FAM13C: variants seen among roughly 807,000 people sequenced by gnomAD.
FAM13C encodes the protein family with sequence similarity 13 member C, also known as protein FAM13C.
Under a neutral mutation model 73.2 loss-of-function variants are expected in FAM13C, and 37 were observed. The ratio of observed to expected loss-of-function variants is 0.51; its 90% CI spans 0.39 to 0.67. The LOEUF (loss-of-function observed/expected upper bound fraction) is 0.67, where lower values mean the gene tolerates loss of function less well. Ranked by LOEUF, FAM13C falls within the 30% of genes least tolerant of loss-of-function variation. The pLI is 0.00. For missense variants in FAM13C, 589 were observed against 715.6 expected (o/e 0.82, Z 2.02); for synonymous variants, 246 against 260.9 (o/e 0.94, Z 0.55).
At chr10:59,286,516 AATAT>A (rs1159774665) in intron 5 of FAM13C, among the ~76,000 whole-genome samples, 3,840 of 110,930 alleles carry the variant, frequency 0.035, 244 homozygotes, top group African/African-American at 0.12. Context: ...CTCCATCTCA[AATAT>A]ATATATATAT....
intron 1 of FAM13C, chr10:59,361,082 T>TGGCACACCTC: frequency 7.8e-7 from 1 of 1,289,284 alleles, no homozygotes. Flanking sequence ...ATGCACACTT[T>TGGCACACCTC]GGCACACCTC....
chr10:59,288,851 C>T (rs1845885720), intron 5 of FAM13C, among the ~76,000 whole-genome samples: 1 of 152,142 alleles, frequency 6.6e-6, no homozygotes, highest in South Asian at 2.1e-4. Context: ...GGACAGTCTG[C>T]CTTTTGGCAC....
chr10:59,359,178 C>T (rs992005453), intron 1 of FAM13C, among the ~76,000 whole-genome samples: 3 of 152,238 alleles, frequency 2.0e-5, no homozygotes, highest in East Asian at 1.9e-4. Context: ...CCTGAGAATG[C>T]TCCAAGGTAG....
chr10:59,283,352 C>T lies in FAM13C; in HGVS notation c.592+11G>A, dbSNP rs1276870971. On this transcript the variant is annotated intron_variant, in intron 6 of 13. Transcript: ENST00000618804. ...GTACAATTTGGGACAACCCCCAGCCCTGTATCTTACCTGCAGAATCTGTCC... is the reference window on the plus strand; with the variant it reads ...GTACAATTTGGGACAACCCCCAGCCTTGTATCTTACCTGCAGAATCTGTCC... The T allele has an allele frequency of 1.9e-6, 3 of 1,613,970 alleles. No individual in the cohort carries two copies. Among genetic ancestry groups the T allele is most frequent in the East Asian group, 4.5e-5 (2 of 44,876 alleles).
At chr10:59,273,959 G>A (rs1054627477) in intron 6 of FAM13C, among the ~76,000 whole-genome samples, 1 of 152,186 alleles carries the variant, frequency 6.6e-6, no homozygotes, top group African/African-American at 2.4e-5. Context: ...GCTGAGATGT[G>A]TAGATTCGTA....
At chr10:59,325,390 G>A (rs1589619620) in intron 3 of FAM13C, among the ~76,000 whole-genome samples, 1 of 152,100 alleles carries the variant, frequency 6.6e-6, no homozygotes, top group Non-Finnish European at 1.5e-5. Context: ...GGAACAGCTG[G>A]GCAGAGCTGT....
At chr10:59,318,659 C>T (rs1188623114) in intron 4 of FAM13C, among the ~76,000 whole-genome samples, 1 of 143,952 alleles carries the variant, frequency 6.9e-6, no homozygotes, top group Non-Finnish European at 1.5e-5. Flanking sequence ...TCTGCATCCA[C>T]GGAGGGAGGC....
rs1437716857 is a variant in FAM13C at position 59,268,686 on chromosome 10, C to G, written c.809G>C (p.Arg270Pro). The change falls in exon 8 of 14, where the codon CGG (arginine) becomes CCG (proline). Residue 270 changes from arginine to proline, a missense_variant. Physicochemically the swap from Arg to Pro is moderately radical, Grantham distance 103 (BLOSUM62 -2). Coordinates refer to ENST00000618804, the MANE Select transcript of FAM13C (RefSeq NM_198215.4). ...PPSTQQFMMPRSSSRCSCGDG... is the reference protein window; with the variant it reads ...PPSTQQFMMPPSSSRCSCGDG... ...TCCACAGCTGCAGCGTGAAGAACTC[C>G]GCGGCCTGCAGTGATTACAAGGAGG... is the stretch of plus-strand genomic sequence containing the variant. The G allele has an allele frequency of 6.2e-7, 1 of 1,611,712 alleles. No homozygotes were observed. Among genetic ancestry groups the G allele is most frequent in the Non-Finnish European group, 8.5e-7 (1 of 1,179,474 alleles).
chr10:59,281,693 A>C (rs1844938607), intron 6 of FAM13C, among the ~76,000 whole-genome samples: 1 of 152,232 alleles, frequency 6.6e-6, no homozygotes, highest in African/African-American at 2.4e-5. Context: ...ATAACAAGTG[A>C]TAATAAGCTT....
intron 13 of FAM13C, among the ~76,000 whole-genome samples, chr10:59,249,408 G>GAAAAAAA (rs71006241): frequency 1.2e-4 from 12 of 99,120 alleles, no homozygotes; most frequent in Admixed American, 3.9e-4. Flanking sequence ...CGTCTCAAAA[G>GAAAAAAA]AAAAAAAAAA....
intron 12 of FAM13C, among the ~76,000 whole-genome samples, chr10:59,252,095 A>G (rs1841437822): frequency 1.3e-5 from 2 of 152,208 alleles, no homozygotes; most frequent in Non-Finnish European, 2.9e-5. Context: ...GTGTGGGAAT[A>G]TTGGGAGAAT....
At chr10:59,333,744 A>T (rs572790938) in intron 3 of FAM13C, among the ~76,000 whole-genome samples, 34 of 152,240 alleles carry the variant, frequency 2.2e-4, no homozygotes, top group African/African-American at 7.9e-4. Flanking sequence ...GAATCAAATT[A>T]TTTTTCTATT....
At chr10:59,276,363 T>C (rs1844322535) in intron 6 of FAM13C, among the ~76,000 whole-genome samples, 1 of 152,084 alleles carries the variant, frequency 6.6e-6, no homozygotes, top group Non-Finnish European at 1.5e-5. Flanking sequence ...GAGTTCTGAG[T>C]ACAGAAAGAA....
chr10:59,315,370 G>T (rs548093059), intron 4 of FAM13C, among the ~76,000 whole-genome samples: 11 of 152,188 alleles, frequency 7.2e-5, no homozygotes, highest in African/African-American at 2.2e-4. Flanking sequence ...TTTCCACTTA[G>T]ATCATGTCCC....
chr10:59,316,788 G>T (rs1379319060), intron 4 of FAM13C, among the ~76,000 whole-genome samples: 1 of 152,168 alleles, frequency 6.6e-6, no homozygotes, highest in East Asian at 1.9e-4. Flanking sequence ...ATGTTATTAT[G>T]TGGTACATGA....
upstream of FAM13C, chr10:59,362,640 AC>A (rs1856553151): frequency 7.2e-7 from 1 of 1,391,212 alleles, no homozygotes; most frequent in African/African-American, 1.5e-5. Context: ...GCACGGGCGA[AC>A]CACAAAGCCC....
At position 59,262,479 on chromosome 10, in the gene FAM13C, G is replaced by A; in HGVS notation, c.1191C>T (p.Cys397=). 6.2e-7 allele frequency: 1 copy of A among 1,613,676 alleles called. No individual in the cohort carries two copies. Among genetic ancestry groups the A allele is most frequent in the Non-Finnish European group, 8.5e-7 (1 of 1,179,738 alleles). ...GEETPDAALT[C]LKERREQLPP... ...GAAGTTGCTCTCTTCTCTCCTTCAG[G>A]CATGTCAAGGCAGCATCTGGAGTCT... Residue 397 remains cysteine (C), a synonymous_variant, in exon 10 of 14, where the codon TGC becomes TGT. Transcript: ENST00000618804.
chr10:59,292,330 T>C (rs1456470494), intron 5 of FAM13C, among the ~76,000 whole-genome samples: 1 of 152,262 alleles, frequency 6.6e-6, no homozygotes, highest in Non-Finnish European at 1.5e-5. Context: ...GTCTGGGTTG[T>C]AGCCCATATG....
At chr10:59,362,327 G>C in intron 1 of FAM13C, 72 bp downstream of exon 1, 1 of 1,568,792 alleles carries the variant, frequency 6.4e-7, no homozygotes, top group Non-Finnish European at 8.7e-7. Context: ...GGGAACGGTG[G>C]AGGATACCTT....
Sources: allele counts gnomAD v4.1 joint callset (sites outside exome capture counted in the v4.1 genomes callset), GRCh38; gene constraint gnomAD v4.1.1; transcripts MANE v1.5; gene names NCBI Gene and HGNC (gene_info 2026-07-23, HGNC 2026-07-21).